Variants in SETDB2 observed in about 807,000 individuals in gnomAD.
The protein encoded by SETDB2 is SET domain bifurcated histone lysine methyltransferase 2.
SETDB2 carries 56 observed loss-of-function variants against 82.5 expected under a neutral mutation model. That is an observed-to-expected ratio of 0.68 (90% CI 0.55 to 0.85). The LOEUF (loss-of-function observed/expected upper bound fraction) is 0.85. Ranked by LOEUF, SETDB2 falls within the 40% of genes least tolerant of loss-of-function variation. The pLI is 0.00. For missense variants in SETDB2, 677 were observed against 816.4 expected, an observed-to-expected ratio of 0.83 and a Z score of 2.08; for synonymous variants, 272 against 284.9, an observed-to-expected ratio of 0.95 and a Z score of 0.46.
At chr13:49,453,323 G>A (rs527972038) in intron 2 of SETDB2, among the ~76,000 whole-genome samples, 4 of 149,680 alleles carry the variant, frequency 2.7e-5, no homozygotes, top group East Asian at 2.0e-4. Flanking sequence ...TTAAGATGGC[G>A]TCTCACTCTG....
rs1009825264 is a variant in SETDB2, at chr13:49,460,172, G to A, written c.82G>A (p.Val28Ile). ...DGKVDFIFEQ[V>I]QNVLQSLKQK... is the part of the protein sequence containing the mutation. Reference sequence around the variant, plus strand: ...AAAAGTGGACTTCATTTTTGAACAAGTACAAAATGTGCTGCAGTCACTGAA... The same window carrying A: ...AAAAGTGGACTTCATTTTTGAACAAATACAAAATGTGCTGCAGTCACTGAA... Residue 28 changes from valine (V) to isoleucine (I), a missense_variant, in exon 3 of 14, where the codon GTA (valine) becomes ATA (isoleucine). Coordinates refer to ENST00000611815, the MANE Select transcript of SETDB2 (RefSeq NM_001160308.3). The A allele has an allele frequency of 6.2e-7, 1 of 1,613,342 alleles. No homozygotes were observed. Among genetic ancestry groups the A allele is most frequent in the African/African-American group, 1.3e-5 (1 of 75,002 alleles).
At chr13:49,447,838 A>G (rs1396029598) in intron 1 of SETDB2, among the ~76,000 whole-genome samples, 1 of 152,058 alleles carries the variant, frequency 6.6e-6, no homozygotes, top group Non-Finnish European at 1.5e-5. Flanking sequence ...TCAAGGTTAT[A>G]CTTATCTCAT....
intron 2 of SETDB2, among the ~76,000 whole-genome samples, chr13:49,455,480 A>G (rs1957865851): frequency 6.6e-6 from 1 of 152,168 alleles, no homozygotes; most frequent in Non-Finnish European, 1.5e-5. Flanking sequence ...AATTATGCAG[A>G]TCTTCCAAAT....
Position 49,493,120 on chromosome 13 carries a change from A to G in SETDB2, c.*1271A>G, listed in dbSNP as rs550060756. The G allele has an allele frequency of 6.6e-6, 1 of 152,230 alleles. No individual in the cohort carries two copies. Among genetic ancestry groups the G allele is most frequent in the African/African-American group, 2.4e-5 (1 of 41,532 alleles). 9.4% of individuals were successfully genotyped at this position (152,230 alleles called of 1,614,324 possible). A position where few individuals can be genotyped will look rare whatever the true frequency, so the allele number is the denominator to read the frequency against. The stretch of plus-strand genomic sequence containing the variant: ...ATAGGTTACTTGGCCGTGATCATCT[A>G]TCTAGTGGAAAAGGGGACTGGGAAG... On this transcript the variant is annotated 3_prime_UTR_variant, in exon 14 of 14. Coordinates refer to ENST00000611815, the MANE Select transcript of SETDB2 (RefSeq NM_001160308.3).
At chr13:49,446,372 C>A (rs1379668685) in intron 1 of SETDB2, 1 of 455,772 alleles carries the variant, frequency 2.2e-6, no homozygotes, top group Non-Finnish European at 4.4e-6. Flanking sequence ...GATAAAAATT[C>A]TCCGTTCTTT....
chr13:49,470,967 T>TTTCTTTTTC (rs66514267), intron 5 of SETDB2, among the ~76,000 whole-genome samples: 1 of 964 alleles, frequency 1.0e-3, no homozygotes, highest in African/African-American at 6.1e-3. Flanking sequence ...TCTTTCTTTC[T>TTTCTTTTTC]TTTTTTTTTT....
At chr13:49,449,716 CCCTT>C (rs1957753219) in intron 1 of SETDB2, among the ~76,000 whole-genome samples, 1 of 152,134 alleles carries the variant, frequency 6.6e-6, no homozygotes, top group African/African-American at 2.4e-5. Flanking sequence ...TTGAAACAAT[CCCTT>C]CCATCTCTCC....
rs1165317343 is a variant in SETDB2, at chr13:49,456,305, A to G, written c.17-3802A>G. Among the ~76,000 whole-genome samples the G allele has an allele frequency of 1.3e-5, 2 of 152,136 alleles. 1 individual carries two copies. The highest frequency in any genetic ancestry group is 6.3e-3 in the Middle Eastern group (2 of 316). On this transcript the variant is annotated intron_variant, in intron 2 of 13. Coordinates refer to ENST00000611815, the MANE Select transcript of SETDB2 (RefSeq NM_001160308.3). ...GGCTAGCAAATGAATTCAGATCAGT[A>G]TTATTCATGAGCATTGTCTGTTTAC...
At chr13:49,488,243 G>A in intron 11 of SETDB2, 47 bp from the exon 12 acceptor site, 1 of 1,522,900 alleles carries the variant, frequency 6.6e-7, no homozygotes, top group Non-Finnish European at 8.7e-7. Context: ...CAGCACTATT[G>A]CTCAGCAAGT....
chr13:49,488,165 C>T, intron 11 of SETDB2, 125 bp from the exon 12 acceptor site: 1 of 1,321,328 alleles, frequency 7.6e-7, no homozygotes, highest in Non-Finnish European at 9.9e-7. Context: ...TAAAATAATA[C>T]TACCTGCCTA....
rs1203988100 is a variant in SETDB2 at position 49,488,544 on chromosome 13, T to G, written c.1831T>G (p.Ser611Ala). 6.2e-7 allele frequency: 1 copy of G among 1,613,228 alleles called. No homozygotes were observed. Among genetic ancestry groups the G allele is most frequent in the Non-Finnish European group, 8.5e-7 (1 of 1,179,772 alleles). ...GTTGCTAAGTGAAACCAAGAATACT[T>G]CATCTGATTCTCTAACAAAGTTCAA... is the stretch of plus-strand genomic sequence containing the variant. ...EELLSETKNT[S>A]SDSLTKFNKG... is the part of the protein sequence containing the mutation. Residue 611 changes from serine to alanine, a missense_variant, in exon 12 of 14, where the codon TCA becomes GCA. Physicochemically the swap from Ser to Ala is moderately conservative, Grantham distance 99 (BLOSUM62 1). Around this residue, in one of 3 missense-constraint regions of SETDB2, gnomAD observed 420 missense variants for 554.6 expected, o/e 0.76. Transcript: ENST00000611815.
At chr13:49,479,590 C>T (rs1362777785) in intron 6 of SETDB2, among the ~76,000 whole-genome samples, 1 of 152,134 alleles carries the variant, frequency 6.6e-6, no homozygotes, top group African/African-American at 2.4e-5. Context: ...GAGATTTTAA[C>T]CAGCTCACCA....
rs150461339 is a variant in SETDB2, at chr13:49,486,281, G to A, written c.1576+558G>A. ...ATTGTGCCACGGTACTGCAGCCTGGGCGATAGAACAAGACCCTGTCTCAAA... is the reference window on the plus strand; with the variant it reads ...ATTGTGCCACGGTACTGCAGCCTGGACGATAGAACAAGACCCTGTCTCAAA... On this transcript the variant is annotated intron_variant, in intron 11 of 13. Transcript: ENST00000611815. 9.1e-4 allele frequency among the ~76,000 whole-genome samples: 134 copies of A among 146,578 alleles called. 3 individuals carry two copies. The East Asian group carries it at 0.026, about 28-fold the overall frequency.
intron 5 of SETDB2, among the ~76,000 whole-genome samples, chr13:49,472,080 A>G (rs1259813994): frequency 6.6e-6 from 1 of 151,154 alleles, no homozygotes; most frequent in Non-Finnish European, 1.5e-5. Flanking sequence ...CATTTTTTTT[A>G]ATATCTTAAT....
intron 2 of SETDB2, among the ~76,000 whole-genome samples, chr13:49,453,322 C>T (rs1566154798): frequency 6.7e-6 from 1 of 148,992 alleles, no homozygotes; most frequent in Non-Finnish European, 1.5e-5. Flanking sequence ...TTTAAGATGG[C>T]GTCTCACTCT....
Position 49,446,218 on chromosome 13 carries a change from TA to T in SETDB2, c.-342+1362del, listed in dbSNP as rs149785515. ...AATTTTTAAAAATTAAGTACACTTT[TA>T]CATTCTTTTACAGAATTGGTACCTT... On this transcript the variant is annotated intron_variant, in intron 1 of 13. Coordinates refer to ENST00000611815, the MANE Select transcript of SETDB2 (RefSeq NM_001160308.3). Among the ~76,000 whole-genome samples the T allele has an allele frequency of 4.0e-3, 605 of 152,332 alleles. 5 individuals are homozygous for T. Among genetic ancestry groups the T allele is most frequent in the African/African-American group, 0.014 (576 of 41,572 alleles).
chr13:49,481,945 T>C (rs1386349075), intron 8 of SETDB2: 2 of 485,790 alleles, frequency 4.1e-6, no homozygotes, highest in Non-Finnish European at 5.4e-6. Context: ...AAAAGAAATA[T>C]CAGGTTCACA....
chr13:49,486,000 A>G (rs532576719), intron 11 of SETDB2, among the ~76,000 whole-genome samples: 1 of 152,240 alleles, frequency 6.6e-6, no homozygotes, highest in South Asian at 2.1e-4. Flanking sequence ...CTTGAAAATT[A>G]TATGAAATTA....
chr13:49,471,420 CTTTTT>C (rs200346844), intron 5 of SETDB2, among the ~76,000 whole-genome samples: 2 of 132,780 alleles, frequency 1.5e-5, no homozygotes, highest in South Asian at 2.4e-4. Context: ...TCTGAATTCC[CTTTTT>C]TTTTTTTTTT....
Sources: gnomAD v4.1 joint callset for allele counts (sites outside exome capture counted in the v4.1 genomes callset) on GRCh38, gnomAD v4.1.1 for gene constraint, gnomAD v4.1.1 regional missense constraint, MANE v1.5 for transcripts, NCBI Gene and HGNC (gene_info 2026-07-23, HGNC 2026-07-21) for gene names.